The following CNTN4 variants were observed in gnomAD, a reference collection of about 807,000 sequenced individuals.
CNTN4 encodes contactin-4.
Under a neutral mutation model 122.5 loss-of-function variants are expected in CNTN4, and 77 were observed. The observed-to-expected ratio is 0.63, with a 90% CI of 0.52 to 0.76. CNTN4 has a LOEUF of 0.76. CNTN4 is among the 30% of genes least tolerant of loss of function. The pLI, the probability that CNTN4 is intolerant of heterozygous loss-of-function variation, is 0.00. For missense variants in CNTN4, 1,256 were observed against 1,259.1 expected, an observed-to-expected ratio of 1.00 and a Z score of 0.04; for synonymous variants, 512 against 447.0, an observed-to-expected ratio of 1.15 and a Z score of -1.83.
intron 9 of CNTN4, among the ~76,000 whole-genome samples, chr3:2,884,710 T>C (rs142965548): frequency 2.6e-4 from 39 of 152,282 alleles, no homozygotes; most frequent in Middle Eastern, 6.8e-3. Context: ...ATTTGATGAA[T>C]TTTTTAAGAT....
chr3:2,463,460 C>T (rs931411287), intron 3 of CNTN4, among the ~76,000 whole-genome samples: 2 of 152,002 alleles, frequency 1.3e-5, no homozygotes, highest in African/African-American at 4.8e-5. Context: ...TTTTTTGGTT[C>T]ATGTGAAAGA....
chr3:2,881,198 A>G (rs895440661), intron 8 of CNTN4, among the ~76,000 whole-genome samples: 23 of 152,018 alleles, frequency 1.5e-4, no homozygotes, highest in African/African-American at 5.1e-4. Flanking sequence ...ATGCTTCTCA[A>G]ACTCTGAAAT....
intron 4 of CNTN4, among the ~76,000 whole-genome samples, chr3:2,685,856 T>G (rs2085405027): frequency 6.6e-6 from 1 of 152,182 alleles, no homozygotes; most frequent in Non-Finnish European, 1.5e-5. Context: ...TTTGCCATTA[T>G]GTTTCTATTC....
chr3:3,026,345 T>G (rs1698714861), intron 15 of CNTN4, 68 bp downstream of exon 15: 1 of 1,360,880 alleles, frequency 7.3e-7, no homozygotes, highest in East Asian at 2.4e-5. Flanking sequence ...ATATTTAAAG[T>G]TACTATTTTA....
intron 2 of CNTN4, among the ~76,000 whole-genome samples, chr3:2,335,156 T>C (rs563895749): frequency 1.0e-3 from 154 of 151,744 alleles, no homozygotes; most frequent in African/African-American, 3.6e-3. Context: ...AGAGGGAGAG[T>C]CGTCTATTTA....
At chr3:2,632,753 C>T (rs1480168725) in intron 4 of CNTN4, among the ~76,000 whole-genome samples, 1 of 152,088 alleles carries the variant, frequency 6.6e-6, no homozygotes, top group Non-Finnish European at 1.5e-5. Context: ...TAATAATTCT[C>T]ATGACACTGC....
intron 2 of CNTN4, among the ~76,000 whole-genome samples, chr3:2,168,622 T>C (rs1474942325): frequency 4.6e-5 from 7 of 152,116 alleles, no homozygotes; most frequent in Admixed American, 1.3e-4. Flanking sequence ...ATGACTTGTT[T>C]ACATATAAAA....
intron 6 of CNTN4, among the ~76,000 whole-genome samples, chr3:2,747,154 A>C (rs9833689): frequency 0.25 from 37,393 of 151,846 alleles, 5,076 homozygotes; most frequent in East Asian, 0.38. Flanking sequence ...TCACGCCTGT[A>C]ATCCCAGCAT....
chr3:2,794,746 AT>A (rs567718050), intron 6 of CNTN4, among the ~76,000 whole-genome samples: 98 of 152,316 alleles, frequency 6.4e-4, no homozygotes, highest in African/African-American at 2.3e-3. Context: ...AAGGAAATAC[AT>A]TTCTTACAGT....
At chr3:2,100,094 T>C (rs1173625956) in intron 1 of CNTN4, among the ~76,000 whole-genome samples, 1 of 152,158 alleles carries the variant, frequency 6.6e-6, no homozygotes, top group Non-Finnish European at 1.5e-5. Context: ...GGAGGTTGTG[T>C]AGGGCGAGTC....
intron 8 of CNTN4, among the ~76,000 whole-genome samples, chr3:2,879,771 A>C (rs2093885806): frequency 6.6e-6 from 1 of 152,228 alleles, no homozygotes; most frequent in Admixed American, 6.5e-5. Context: ...GATTGTGGTG[A>C]TAGTTGCATG....
At chr3:2,535,932 A>G (rs906531886) in intron 3 of CNTN4, among the ~76,000 whole-genome samples, 8 of 151,856 alleles carry the variant, frequency 5.3e-5, no homozygotes, top group African/African-American at 1.9e-4. Flanking sequence ...GAAATCCCCC[A>G]TTTTCCCAAA....
At chr3:2,100,923 A>G (rs1426796405) in intron 2 of CNTN4, among the ~76,000 whole-genome samples, 2 of 152,182 alleles carry the variant, frequency 1.3e-5, no homozygotes, top group Non-Finnish European at 2.9e-5. Flanking sequence ...TCAATTAAAG[A>G]CTAAGAGTCT....
At chr3:2,553,086 G>T (rs1229538311) in intron 3 of CNTN4, among the ~76,000 whole-genome samples, 1 of 152,146 alleles carries the variant, frequency 6.6e-6, no homozygotes, top group Non-Finnish European at 1.5e-5. Context: ...TTTTCTTCCA[G>T]GTTTGGGGTA....
intron 3 of CNTN4, among the ~76,000 whole-genome samples, chr3:2,433,915 A>G (rs1408365107): frequency 6.6e-6 from 1 of 152,164 alleles, no homozygotes; most frequent in Non-Finnish European, 1.5e-5. Context: ...GCAGAAGGAC[A>G]AATACCATAT....
chr3:2,812,553 GT>G (rs963166611), intron 6 of CNTN4, among the ~76,000 whole-genome samples: 1 of 148,222 alleles, frequency 6.7e-6, no homozygotes, highest in Non-Finnish European at 1.5e-5. Flanking sequence ...TATCAGGTTT[GT>G]TTTTTTTGTT....
chr3:2,768,019 G>T (rs901028679), intron 6 of CNTN4, among the ~76,000 whole-genome samples: 1 of 152,208 alleles, frequency 6.6e-6, no homozygotes, highest in Admixed American at 6.5e-5. Flanking sequence ...ACATTTGGTT[G>T]AGGCTTTTAA....
At chr3:2,929,561 A>G (rs2094502120) in intron 13 of CNTN4, among the ~76,000 whole-genome samples, 1 of 152,138 alleles carries the variant, frequency 6.6e-6, no homozygotes, top group Non-Finnish European at 1.5e-5. Context: ...TCCAGGATGG[A>G]TTGCAACTGC....
At chr3:2,969,889 C>T (rs572018351) in intron 13 of CNTN4, among the ~76,000 whole-genome samples, 2 of 152,066 alleles carry the variant, frequency 1.3e-5, no homozygotes, top group Admixed American at 1.3e-4. Flanking sequence ...TGTCAGAACT[C>T]AAAAGCAGAT....
Sources: gnomAD v4.1 joint callset for allele counts (sites outside exome capture counted in the v4.1 genomes callset) on GRCh38, gnomAD v4.1.1 for gene constraint, MANE v1.5 for transcripts, NCBI Gene and HGNC (gene_info 2026-07-23, HGNC 2026-07-21) for gene names.